Variants in DCDC2 observed in about 807,000 individuals in gnomAD.
DCDC2 encodes doublecortin domain-containing protein 2.
Under a neutral mutation model 50.2 loss-of-function variants are expected in DCDC2, and 40 were observed. The ratio of observed to expected loss-of-function variants is 0.80; its 90% CI spans 0.62 to 1.04. DCDC2 has a LOEUF of 1.04. DCDC2 is among the 50% of genes least tolerant of loss of function. DCDC2 has a pLI of 0.00. For synonymous variants in DCDC2, 234 were observed against 210.6 expected, an observed-to-expected ratio of 1.11 and a Z score of -0.96; for missense variants, 570 against 581.9, an observed-to-expected ratio of 0.98 and a Z score of 0.21.
At chr6:24,348,632 A>C (rs1478128891) in intron 2 of DCDC2, among the ~76,000 whole-genome samples, 1 of 152,186 alleles carries the variant, frequency 6.6e-6, no homozygotes, top group Non-Finnish European at 1.5e-5. Flanking sequence ...ATACCCTCTT[A>C]ATCAAGTTGT....
chr6:24,244,795 A>C (rs549536925), intron 7 of DCDC2, among the ~76,000 whole-genome samples: 8 of 152,232 alleles, frequency 5.3e-5, no homozygotes, highest in African/African-American at 1.7e-4. Context: ...AAAATTTCTC[A>C]ATGCAAATCT....
chr6:24,294,634 T>C (rs997281552), intron 4 of DCDC2, among the ~76,000 whole-genome samples: 2 of 151,904 alleles, frequency 1.3e-5, no homozygotes, highest in African/African-American at 4.8e-5. Context: ...GAACGACAAA[T>C]GGGATGTTAC....
intron 7 of DCDC2, among the ~76,000 whole-genome samples, chr6:24,262,029 G>T (rs1200564192): frequency 6.6e-6 from 1 of 151,960 alleles, no homozygotes; most frequent in Non-Finnish European, 1.5e-5. Context: ...CAAATATCAG[G>T]TAAGCAATCA....
At chr6:24,307,807 G>C (rs3895346) in intron 2 of DCDC2, among the ~76,000 whole-genome samples, 73,576 of 151,654 alleles carry the variant, frequency 0.49, 20,458 homozygotes, top group Non-Finnish European at 0.6. Context: ...AGAAAGACTG[G>C]CTAAGATGTC....
At chr6:24,261,965 A>G (rs1332184655) in intron 7 of DCDC2, among the ~76,000 whole-genome samples, 1 of 152,102 alleles carries the variant, frequency 6.6e-6, no homozygotes, top group Non-Finnish European at 1.5e-5. Flanking sequence ...CCACCCCCCA[A>G]CAGGAATGCC....
chr6:24,308,022 ATAGACAGTCAGCC>A (rs1759505865), intron 2 of DCDC2, among the ~76,000 whole-genome samples: 1 of 152,206 alleles, frequency 6.6e-6, no homozygotes, highest in South Asian at 2.1e-4. Context: ...ATAAACCTCC[ATAGACAGTCAGCC>A]TGTGTTAGTC....
the DCDC2 span, among the ~76,000 whole-genome samples, chr6:24,370,882 T>C: frequency 6.6e-6 from 1 of 151,876 alleles, no homozygotes; most frequent in East Asian, 1.9e-4. Flanking sequence ...GAGCACAAAA[T>C]GCGGTAAATC....
At chr6:24,376,111 T>C in the DCDC2 span, among the ~76,000 whole-genome samples, 20 of 152,214 alleles carry the variant, frequency 1.3e-4, no homozygotes, top group African/African-American at 4.1e-4. Context: ...TCACAAAGCC[T>C]AGGTCATGGG....
intron 8 of DCDC2, among the ~76,000 whole-genome samples, chr6:24,203,937 G>T (rs143147972): frequency 6.6e-6 from 1 of 152,136 alleles, no homozygotes; most frequent in African/African-American, 2.4e-5. Context: ...ACTACAATGC[G>T]ATACCATCTC....
At chr6:24,371,693 C>T in the DCDC2 span, among the ~76,000 whole-genome samples, 2 of 152,174 alleles carry the variant, frequency 1.3e-5, no homozygotes, top group Non-Finnish European at 2.9e-5. Flanking sequence ...AGGCAACCTA[C>T]AGAATGGGAG....
chr6:24,240,277 G>C (rs1316884066), intron 7 of DCDC2, among the ~76,000 whole-genome samples: 5 of 152,024 alleles, frequency 3.3e-5, no homozygotes, highest in Non-Finnish European at 7.4e-5. Flanking sequence ...TTGAATCCTC[G>C]GTGGCTTTAA....
rs752366929 is a variant in DCDC2 at position 24,278,104 on chromosome 6, C to T, written c.867G>A (p.Thr289=). The change falls in exon 7 of 10, where the codon ACG becomes ACA. Residue 289 remains threonine, a synonymous_variant. Transcript: ENST00000378454. ...TTAATTTTACATTTTGTTTCAATTT[C>T]GTCAGTTTTTCTGAATTCACGTCTT... is the stretch of plus-strand genomic sequence containing the variant. ...KKEDVNSEKL[T]KLKQNVKLKN... The T allele has an allele frequency of 1.6e-5, 26 of 1,613,364 alleles. No individual in the cohort carries two copies. Among genetic ancestry groups the T allele is most frequent in the African/African-American group, 1.1e-4 (8 of 74,878 alleles).
intron 7 of DCDC2, among the ~76,000 whole-genome samples, chr6:24,220,891 T>TGAGCGAGCGAGCGAGTGAGC (rs1246996420): frequency 1.0e-5 from 1 of 98,970 alleles, no homozygotes; most frequent in South Asian, 3.2e-4. Context: ...AGCGAGAGAG[T>TGAGCGAGCGAGCGAGTGAGC]GAGCGAGCGA....
In DCDC2 at chr6:24,345,267, G is replaced by A. The variant is rs760330037; in HGVS notation, c.348+8302C>T. ...GAATCCATTTAATGTCTAGAATCCC[G>A]TTCCCAACCAAAGCCTTTAAGTAGG... On this transcript the variant is annotated intron_variant, in intron 2 of 9. Transcript: ENST00000378454. 1.2e-4 allele frequency among the ~76,000 whole-genome samples: 18 copies of A among 152,170 alleles called. 1 individual carries two copies. The highest frequency in any genetic ancestry group is 3.4e-4 in the African/African-American group (14 of 41,532).
chr6:24,265,310 C>T (rs564190370), intron 7 of DCDC2, among the ~76,000 whole-genome samples: 2 of 152,272 alleles, frequency 1.3e-5, no homozygotes, highest in South Asian at 4.1e-4. Context: ...GACCCCAATA[C>T]AGTAATAGCT....
intron 7 of DCDC2, among the ~76,000 whole-genome samples, chr6:24,271,222 A>AAAAAAAAAC (rs1284663082): frequency 6.7e-6 from 1 of 149,848 alleles, no homozygotes; most frequent in Non-Finnish European, 1.5e-5. Flanking sequence ...AAAAAAAAAA[A>AAAAAAAAAC]AAAGAGAGAG....
the DCDC2 span, among the ~76,000 whole-genome samples, chr6:24,372,986 C>A: frequency 1.3e-5 from 2 of 151,936 alleles, no homozygotes; most frequent in African/African-American, 4.8e-5. Flanking sequence ...ATCTAAATAA[C>A]CAATAAACAT....
intron 2 of DCDC2, among the ~76,000 whole-genome samples, chr6:24,337,668 C>T (rs962151973): frequency 2.6e-5 from 4 of 151,770 alleles, no homozygotes; most frequent in Admixed American, 6.6e-5. Context: ...TGTGGTGATG[C>T]GTGCCTGTGA....
intron 2 of DCDC2, among the ~76,000 whole-genome samples, chr6:24,327,028 C>G (rs935925790): frequency 6.7e-6 from 1 of 149,454 alleles, no homozygotes; most frequent in Non-Finnish European, 1.5e-5. Context: ...AGCTCAGCAC[C>G]TGGCAAATTG....
Sources: gnomAD v4.1 joint callset for allele counts (sites outside exome capture counted in the v4.1 genomes callset) on GRCh38, gnomAD v4.1.1 for gene constraint, MANE v1.5 for transcripts, NCBI Gene and HGNC (gene_info 2026-07-23, HGNC 2026-07-21) for gene names.